The following PARD3B variants were observed in gnomAD, a reference collection of about 807,000 sequenced individuals.
The protein encoded by PARD3B is partitioning defective 3 homolog B.
PARD3B carries 103 observed loss-of-function variants against 130.2 expected under a neutral mutation model. The ratio of observed to expected loss-of-function variants is 0.79; its 90% CI spans 0.67 to 0.93. The LOEUF (loss-of-function observed/expected upper bound fraction) is 0.93, where lower values mean the gene tolerates loss of function less well. Ranked by LOEUF, PARD3B falls within the 40% of genes least tolerant of loss-of-function variation. The pLI is 0.00. For missense variants in PARD3B, 1,609 were observed against 1,499.2 expected (o/e 1.07, Z -1.21); for synonymous variants, 583 against 553.2 (o/e 1.05, Z -0.76).
At chr2:204,772,022 A>G (rs2041409008) in intron 2 of PARD3B, among the ~76,000 whole-genome samples, 1 of 152,060 alleles carries the variant, frequency 6.6e-6, no homozygotes, top group African/African-American at 2.4e-5. Context: ...ATATATGCTT[A>G]TTTTACCTTG....
intron 3 of PARD3B, among the ~76,000 whole-genome samples, chr2:205,016,615 G>T (rs1696170281): frequency 6.6e-6 from 1 of 152,174 alleles, no homozygotes; most frequent in Non-Finnish European, 1.5e-5. Context: ...TGGAAACGAG[G>T]ATCCCAGGAA....
At chr2:205,391,454 G>A (rs2045857461) in intron 18 of PARD3B, among the ~76,000 whole-genome samples, 1 of 152,192 alleles carries the variant, frequency 6.6e-6, no homozygotes, top group African/African-American at 2.4e-5. Context: ...ATTTTCTACT[G>A]CTTTGAAATA....
intron 4 of PARD3B, among the ~76,000 whole-genome samples, chr2:205,071,369 C>T (rs1055419225): frequency 1.3e-5 from 2 of 152,156 alleles, no homozygotes; most frequent in Non-Finnish European, 2.9e-5. Flanking sequence ...AACCAAACTC[C>T]GGTCCTAGGT....
chr2:205,231,811 G>T (rs561398495), intron 15 of PARD3B, among the ~76,000 whole-genome samples: 4 of 152,294 alleles, frequency 2.6e-5, no homozygotes, highest in African/African-American at 9.6e-5. Context: ...GATCTGCATA[G>T]CGTGAACTCC....
intron 4 of PARD3B, among the ~76,000 whole-genome samples, chr2:205,097,619 A>C (rs1029181051): frequency 5.9e-5 from 9 of 152,208 alleles, no homozygotes; most frequent in South Asian, 2.1e-4. Context: ...GACCTACTGC[A>C]GTAGAACTTC....
At chr2:204,981,727 TAGAAAC>T (rs968341791) in intron 3 of PARD3B, among the ~76,000 whole-genome samples, 4 of 152,160 alleles carry the variant, frequency 2.6e-5, no homozygotes, top group Non-Finnish European at 5.9e-5. Flanking sequence ...TATAGTATGT[TAGAAAC>T]TGATAAAAAG....
chr2:204,671,367 C>T (rs1463742755), intron 1 of PARD3B, among the ~76,000 whole-genome samples: 3 of 152,130 alleles, frequency 2.0e-5, no homozygotes, highest in African/African-American at 7.2e-5. Context: ...GGGGCACCTA[C>T]CTAGGAGTGT....
chr2:204,707,573 G>T (rs1477442885), intron 2 of PARD3B, among the ~76,000 whole-genome samples: 1 of 152,092 alleles, frequency 6.6e-6, no homozygotes, highest in East Asian at 1.9e-4. Context: ...ATTATAGCTT[G>T]TTATAAATGA....
At chr2:205,004,681 A>T (rs1482021888) in intron 3 of PARD3B, among the ~76,000 whole-genome samples, 1 of 152,220 alleles carries the variant, frequency 6.6e-6, no homozygotes, top group Non-Finnish European at 1.5e-5. Context: ...CATAAATTAA[A>T]TTAAGATACA....
chr2:205,204,663 C>T (rs185756032), intron 15 of PARD3B, among the ~76,000 whole-genome samples: 4 of 152,174 alleles, frequency 2.6e-5, no homozygotes, highest in South Asian at 2.1e-4. Flanking sequence ...CAGTTTTCTG[C>T]GTGTGGCTAG....
intron 19 of PARD3B, among the ~76,000 whole-genome samples, chr2:205,408,057 TGTCTA>T (rs2046470339): frequency 6.6e-6 from 1 of 152,194 alleles, no homozygotes; most frequent in Non-Finnish European, 1.5e-5. Context: ...CTGAACGGAA[TGTCTA>T]AGTGAGAGTG....
intron 2 of PARD3B, among the ~76,000 whole-genome samples, chr2:204,816,426 G>T (rs780221268): frequency 9.2e-5 from 14 of 151,632 alleles, no homozygotes; most frequent in Non-Finnish European, 1.5e-4. Context: ...TTTTAATGCT[G>T]GTCTTCTGGT....
intron 22 of PARD3B, among the ~76,000 whole-genome samples, chr2:205,610,863 T>G (rs1198497850): frequency 2.0e-5 from 3 of 152,178 alleles, no homozygotes; most frequent in Admixed American, 2.0e-4. Context: ...TTTCTCCTCT[T>G]TTCCCCTACC....
At chr2:204,725,923 A>G (rs114907519) in intron 2 of PARD3B, among the ~76,000 whole-genome samples, 3,555 of 152,338 alleles carry the variant, frequency 0.023, 60 homozygotes, top group Non-Finnish European at 0.034. Context: ...CCATGTTGGC[A>G]CAGCAGAAAT....
intron 18 of PARD3B, among the ~76,000 whole-genome samples, chr2:205,381,115 ATTATATATATT>A (rs1195760984): frequency 4.0e-5 from 3 of 75,946 alleles, no homozygotes; most frequent in African/African-American, 9.9e-5. Context: ...AAGAATATAT[ATTATATATATT>A]ATATATAAAG....
At chr2:205,255,548 A>G (rs2040046021) in intron 16 of PARD3B, among the ~76,000 whole-genome samples, 1 of 152,088 alleles carries the variant, frequency 6.6e-6, no homozygotes, top group South Asian at 2.1e-4. Context: ...TCCCATTCAG[A>G]AGCCAGTCCC....
At chr2:204,626,600 T>C (rs941815466) in intron 1 of PARD3B, among the ~76,000 whole-genome samples, 1 of 152,058 alleles carries the variant, frequency 6.6e-6, no homozygotes. Flanking sequence ...CTGTTAGAAA[T>C]ATGAAGCTCT....
chr2:205,026,452 G>A (rs188729801), intron 3 of PARD3B, among the ~76,000 whole-genome samples: 10 of 152,202 alleles, frequency 6.6e-5, no homozygotes, highest in African/African-American at 2.4e-4. Context: ...GATTTGATCT[G>A]TGCATGCATT....
At chr2:205,556,010 A>C (rs1559212987) in intron 22 of PARD3B, among the ~76,000 whole-genome samples, 1 of 152,048 alleles carries the variant, frequency 6.6e-6, no homozygotes, top group Non-Finnish European at 1.5e-5. Flanking sequence ...AGTGACATTT[A>C]CCCTGGTTTT....
Sources: allele counts gnomAD v4.1 joint callset (sites outside exome capture counted in the v4.1 genomes callset), GRCh38; gene constraint gnomAD v4.1.1; transcripts MANE v1.5; gene names NCBI Gene and HGNC (gene_info 2026-07-23, HGNC 2026-07-21).